Variants in ERCC1 observed in about 807,000 individuals in gnomAD.
ERCC1 encodes the protein ERCC excision repair 1, endonuclease non-catalytic subunit, also known as DNA excision repair protein ERCC-1.
Under a neutral mutation model 37.6 loss-of-function variants are expected in ERCC1, and 36 were observed. The ratio of observed to expected loss-of-function variants is 0.96; its 90% CI spans 0.73 to 1.26. The LOEUF is 1.26. Among genes scored for constraint, ERCC1 ranks in the 50% most tolerant of loss-of-function variants. ERCC1 has a pLI of 0.00. For synonymous variants in ERCC1, 156 were observed against 162.1 expected (o/e 0.96, Z 0.28); for missense variants, 349 against 376.5 (o/e 0.93, Z 0.60).
chr19:45,416,637 C>CA (rs376893204), intron 6 of ERCC1, 184 bp downstream of exon 6: 20,550 of 484,002 alleles, frequency 0.042, 7 homozygotes, highest in Middle Eastern at 0.056. Flanking sequence ...GGCTCTGTAT[C>CA]AAAAAAAAAA....
chr19:45,437,911 ATT>A (rs34041953), intron 1 of ERCC1, among the ~76,000 whole-genome samples: 5 of 143,122 alleles, frequency 3.5e-5, no homozygotes, highest in Non-Finnish European at 3.0e-5. Context: ...TTCTCATCTG[ATT>A]TTTTTTTTTT....
chr19:45,430,399 G>T (rs1172863947), intron 1 of ERCC1, among the ~76,000 whole-genome samples: 1 of 152,180 alleles, frequency 6.6e-6, no homozygotes, highest in Non-Finnish European at 1.5e-5. Flanking sequence ...TGTTAGAGAT[G>T]AAGACACCAG....
At chr19:45,437,231 A>G (rs1330224676) in intron 1 of ERCC1, among the ~76,000 whole-genome samples, 1 of 152,190 alleles carries the variant, frequency 6.6e-6, no homozygotes, top group Non-Finnish European at 1.5e-5. Flanking sequence ...CCTGGGCGAC[A>G]GGAGCAAGAC....
intron 5 of ERCC1, 44 bp from the exon 6 acceptor site, chr19:45,416,941 A>C (rs748659625): frequency 8.0e-6 from 12 of 1,492,824 alleles, no homozygotes; most frequent in Non-Finnish European, 6.5e-6. Context: ...GCCAGGAATT[A>C]CAAAAATTAG....
chr19:45,415,082 C>G, intron 6 of ERCC1, 122 bp from the exon 7 acceptor site: 1 of 663,996 alleles, frequency 1.5e-6, no homozygotes, highest in South Asian at 1.5e-5. Flanking sequence ...GCCTGTAATC[C>G]CAGCACTTTG....
At chr19:45,439,576 G>A (rs1424413750) in intron 1 of ERCC1, among the ~76,000 whole-genome samples, 2 of 152,150 alleles carry the variant, frequency 1.3e-5, no homozygotes, top group Non-Finnish European at 2.9e-5. Context: ...GAATAGATAA[G>A]CTGAGACGGA....
intron 1 of ERCC1, among the ~76,000 whole-genome samples, chr19:45,435,453 A>G (rs930963665): frequency 1.3e-5 from 2 of 152,166 alleles, no homozygotes; most frequent in African/African-American, 4.8e-5. Context: ...AAGAAAACTC[A>G]ATAAACATTC....
At chr19:45,413,776 T>C in intron 8 of ERCC1, 31 bp from the exon 9 acceptor site, 4 of 1,611,828 alleles carry the variant, frequency 2.5e-6, no homozygotes, top group Non-Finnish European at 3.4e-6. Flanking sequence ...GTCAGGGCAG[T>C]TGAGCACAAA....
intron 3 of ERCC1, 76 bp downstream of exon 3, chr19:45,421,102 T>C: frequency 8.0e-7 from 1 of 1,248,354 alleles, no homozygotes. Flanking sequence ...TCAGACCTCC[T>C]TGCACTGGAG....
In ERCC1 at chr19:45,409,537, G is replaced by A. The variant is rs1346599935; in HGVS notation, c.*138C>T. On this transcript the variant is annotated 3_prime_UTR_variant, in exon 10 of 10. Transcript: ENST00000300853. ...GGAAACTGAGGAACTAAAGAAAGCTGAAGGTGCCCACCTGGGCCACCAGAA... is the reference window on the plus strand; with the variant it reads ...GGAAACTGAGGAACTAAAGAAAGCTAAAGGTGCCCACCTGGGCCACCAGAA... 2 of 1,579,404 alleles carry A rather than the reference G, an allele frequency of 1.3e-6. No individual in the cohort carries two copies. The highest frequency in any genetic ancestry group is 1.9e-5 in the Admixed American group (1 of 53,348).
intron 1 of ERCC1, among the ~76,000 whole-genome samples, chr19:45,445,011 T>G (rs56305135): frequency 0.062 from 9,435 of 152,138 alleles, 954 homozygotes; most frequent in African/African-American, 0.22. Context: ...CAACCGATTT[T>G]TTGTTGTTGT....
intron 6 of ERCC1, among the ~76,000 whole-genome samples, chr19:45,415,179 C>T (rs1233546063): frequency 1.3e-5 from 2 of 151,616 alleles, no homozygotes; most frequent in African/African-American, 4.8e-5. Flanking sequence ...ACTAAAAATA[C>T]AAAAAAGTAG....
At chr19:45,439,419 C>T (rs756167064) in intron 1 of ERCC1, among the ~76,000 whole-genome samples, 32 of 152,148 alleles carry the variant, frequency 2.1e-4, no homozygotes, top group South Asian at 6.2e-4. Context: ...AATAATAGGC[C>T]GGGTGCAGTG....
At chr19:45,417,210 C>T (rs1480172000) in intron 5 of ERCC1, among the ~76,000 whole-genome samples, 3 of 152,206 alleles carry the variant, frequency 2.0e-5, no homozygotes, top group Non-Finnish European at 1.5e-5. Context: ...GTGCCTGGCC[C>T]GTGCTAAGCA....
intron 9 of ERCC1, 76 bp downstream of exon 9, chr19:45,413,601 T>C (rs1304019245): frequency 1.2e-6 from 2 of 1,614,208 alleles, no homozygotes; most frequent in Non-Finnish European, 1.7e-6. Flanking sequence ...ACCTTAAAAC[T>C]TTGGGGTCTC....
chr19:45,428,472 C>G (rs1489941849), upstream of ERCC1, among the ~76,000 whole-genome samples: 1 of 152,152 alleles, frequency 6.6e-6, no homozygotes, highest in Non-Finnish European at 1.5e-5. Context: ...GCGTTCGAAT[C>G]CCCCAGCCGT....
At chr19:45,442,064 C>G (rs1397536425) in intron 1 of ERCC1, among the ~76,000 whole-genome samples, 1 of 151,728 alleles carries the variant, frequency 6.6e-6, no homozygotes, top group African/African-American at 2.4e-5. Context: ...TCCCACCCAG[C>G]ACTTTGGGAG....
At chr19:45,423,248 G>T (rs762262293) in intron 2 of ERCC1, 22 bp downstream of exon 2, 3 of 1,604,996 alleles carry the variant, frequency 1.9e-6, no homozygotes, top group East Asian at 2.2e-5. Flanking sequence ...CCTCCCAGGG[G>T]CCCCGCATCT....
chr19:45,448,677 A>G (rs908874411), intron 1 of ERCC1, among the ~76,000 whole-genome samples: 4 of 151,946 alleles, frequency 2.6e-5, no homozygotes, highest in Non-Finnish European at 4.4e-5. Flanking sequence ...GTAAGACCCC[A>G]TCTTTATTTA....
Sources: gnomAD v4.1 joint callset for allele counts (sites outside exome capture counted in the v4.1 genomes callset) on GRCh38, gnomAD v4.1.1 for gene constraint, MANE v1.5 for transcripts, NCBI Gene and HGNC (gene_info 2026-07-23, HGNC 2026-07-21) for gene names.